The following TRMT11 variants were observed in gnomAD, a reference collection of about 807,000 sequenced individuals.
TRMT11 encodes the protein tRNA (guanine(10)-N(2))-methyltransferase TRMT11.
A neutral mutation model predicts 62.8 loss-of-function variants in TRMT11; 53 were observed. That is an observed-to-expected ratio of 0.84 (90% CI 0.68 to 1.06). The LOEUF is 1.06. Ranked by LOEUF, TRMT11 falls within the 50% of genes least tolerant of loss-of-function variation. The pLI is 0.00. For missense variants in TRMT11, 556 were observed against 553.4 expected (o/e 1.00, Z -0.05); for synonymous variants, 188 against 190.3 (o/e 0.99, Z 0.10).
At chr6:126,075,992 T>G (rs1396977923) in intron 17 of TRMT11, among the ~76,000 whole-genome samples, 1 of 152,168 alleles carries the variant, frequency 6.6e-6, no homozygotes, top group Non-Finnish European at 1.5e-5. Flanking sequence ...AAATGTATTT[T>G]ATGAGTATGC....
chr6:126,058,595 A>G (rs1776438079), intron 17 of TRMT11, among the ~76,000 whole-genome samples: 1 of 152,224 alleles, frequency 6.6e-6, no homozygotes, highest in African/African-American at 2.4e-5. Context: ...TGAAGGAGAT[A>G]GGGACACCAA....
chr6:126,074,588 G>A (rs932018004), intron 17 of TRMT11, among the ~76,000 whole-genome samples: 1 of 152,078 alleles, frequency 6.6e-6, no homozygotes, highest in African/African-American at 2.4e-5. Context: ...TAGGCCATGG[G>A]CAATGTCTGT....
At chr6:125,993,547 C>T (rs552478217) in intron 1 of TRMT11, among the ~76,000 whole-genome samples, 31 of 152,096 alleles carry the variant, frequency 2.0e-4, no homozygotes, top group African/African-American at 5.1e-4. Context: ...CTTCTGTTGT[C>T]GAAAATTTCT....
the TRMT11 span, among the ~76,000 whole-genome samples, chr6:126,247,475 A>ATCTATCTGTCTG: frequency 6.8e-6 from 1 of 147,594 alleles, no homozygotes; most frequent in Admixed American, 6.8e-5. Context: ...CTATCTATCT[A>ATCTATCTGTCTG]TCTATCTATC....
chr6:126,209,284 A>C, the TRMT11 span, among the ~76,000 whole-genome samples: 6 of 152,180 alleles, frequency 3.9e-5, no homozygotes, highest in South Asian at 2.1e-4. Flanking sequence ...TTAATAAAAC[A>C]AGGAGGCTTT....
intron 17 of TRMT11, among the ~76,000 whole-genome samples, chr6:126,081,321 A>G (rs1777153243): frequency 1.3e-5 from 2 of 152,226 alleles, no homozygotes; most frequent in African/African-American, 2.4e-5. Context: ...AGCCAAGAGT[A>G]GACTTCACGC....
At chr6:126,034,624 G>A (rs1167081465) in intron 12 of TRMT11, among the ~76,000 whole-genome samples, 1 of 152,202 alleles carries the variant, frequency 6.6e-6, no homozygotes, top group East Asian at 1.9e-4. Context: ...CTTCTCTCTT[G>A]CCATTTCCTA....
chr6:126,271,363 CAAAAAAA>C, the TRMT11 span, among the ~76,000 whole-genome samples: 6 of 36,272 alleles, frequency 1.7e-4, no homozygotes, highest in East Asian at 2.0e-3. Flanking sequence ...GACTCCATCT[CAAAAAAA>C]AAAAAAAAAA....
chr6:126,224,924 A>G, the TRMT11 span, among the ~76,000 whole-genome samples: 1 of 152,124 alleles, frequency 6.6e-6, no homozygotes, highest in Non-Finnish European at 1.5e-5. Flanking sequence ...GGTCCCTCAG[A>G]AAAGGATCTA....
intron 17 of TRMT11, among the ~76,000 whole-genome samples, chr6:126,060,361 C>T (rs1479787468): frequency 1.3e-5 from 2 of 152,134 alleles, no homozygotes; most frequent in African/African-American, 4.8e-5. Context: ...ATCTGACATC[C>T]GCTGTTTCTT....
intron 17 of TRMT11, among the ~76,000 whole-genome samples, chr6:126,081,942 C>T (rs958199633): frequency 2.6e-5 from 4 of 152,138 alleles, no homozygotes; most frequent in African/African-American, 7.2e-5. Context: ...CTCTCTTCTT[C>T]AAGTAATAAT....
At chr6:126,117,512 T>C (rs141248649) in intron 21 of TRMT11, among the ~76,000 whole-genome samples, 3 of 152,208 alleles carry the variant, frequency 2.0e-5, no homozygotes, top group East Asian at 1.9e-4. Context: ...TTCTCTCACG[T>C]TGAATGAGTA....
At chr6:126,231,064 T>C in the TRMT11 span, among the ~76,000 whole-genome samples, 1 of 152,318 alleles carries the variant, frequency 6.6e-6, no homozygotes, top group African/African-American at 2.4e-5. Context: ...TGATAAAAAA[T>C]GTATAATAGG....
chr6:126,029,067 C>T (rs1417399481), intron 12 of TRMT11, among the ~76,000 whole-genome samples: 2 of 151,984 alleles, frequency 1.3e-5, no homozygotes, highest in Non-Finnish European at 2.9e-5. Context: ...TCCTTTAGAG[C>T]TTCTTTTATA....
intron 21 of TRMT11, among the ~76,000 whole-genome samples, chr6:126,169,996 C>CT (rs1243734363): frequency 2.0e-5 from 3 of 151,940 alleles, no homozygotes; most frequent in Non-Finnish European, 4.4e-5. Context: ...TTTATATAGT[C>CT]TTTTTCCAGG....
At chr6:126,119,222 G>A (rs368442949) in intron 21 of TRMT11, among the ~76,000 whole-genome samples, 45 of 152,234 alleles carry the variant, frequency 3.0e-4, no homozygotes, top group African/African-American at 1.1e-3. Context: ...CTAAACAGAG[G>A]CTTGTCCTTT....
the TRMT11 span, among the ~76,000 whole-genome samples, chr6:126,262,120 A>T: frequency 2.0e-5 from 3 of 152,194 alleles, no homozygotes; most frequent in African/African-American, 7.2e-5. Context: ...TTGCAGCAGT[A>T]TGTGTGCAAG....
At chr6:126,249,991 T>C in the TRMT11 span, among the ~76,000 whole-genome samples, 2 of 152,132 alleles carry the variant, frequency 1.3e-5, no homozygotes, top group East Asian at 1.9e-4. Context: ...GCTATGAACA[T>C]TGGTTTCCCC....
chr6:126,061,991 C>T (rs149793913), intron 17 of TRMT11, among the ~76,000 whole-genome samples: 1 of 152,290 alleles, frequency 6.6e-6, no homozygotes, highest in Non-Finnish European at 1.5e-5. Context: ...CAATGGATCC[C>T]ACCTCAGCCT....
Sources: allele counts gnomAD v4.1 joint callset (sites outside exome capture counted in the v4.1 genomes callset), GRCh38; gene constraint gnomAD v4.1.1; transcripts MANE v1.5; gene names NCBI Gene and HGNC (gene_info 2026-07-23, HGNC 2026-07-21).